The following EVL variants were observed in gnomAD, a reference collection of about 807,000 sequenced individuals.
EVL encodes the protein ena/VASP-like protein.
A neutral mutation model predicts 59.6 loss-of-function variants in EVL; 21 were observed. The ratio of observed to expected loss-of-function variants is 0.35; its 90% confidence interval spans 0.25 to 0.51. EVL has a LOEUF of 0.51. Ranked by LOEUF, EVL falls within the 20% of genes least tolerant of loss-of-function variation. The pLI is 0.97. For synonymous variants in EVL, 198 were observed against 203.5 expected (o/e 0.97, Z 0.23); for missense variants, 462 against 546.6 (o/e 0.85, Z 1.54).
At chr14:100,078,884 A>G (rs2140292917) in intron 1 of EVL, among the ~76,000 whole-genome samples, 1 of 152,338 alleles carries the variant, frequency 6.6e-6, no homozygotes, top group South Asian at 2.1e-4. Flanking sequence ...AAGACAGAGT[A>G]TGAAGAGTTG....
intron 1 of EVL, among the ~76,000 whole-genome samples, chr14:100,028,144 T>TG (rs2061250165): frequency 6.6e-6 from 1 of 150,726 alleles, no homozygotes; most frequent in Non-Finnish European, 1.5e-5. Context: ...GTTTTTTTTT[T>TG]TTTTTTTGAG....
intron 1 of EVL, among the ~76,000 whole-genome samples, chr14:100,024,004 CAG>C (rs946965790): frequency 7.2e-5 from 11 of 152,328 alleles, no homozygotes; most frequent in East Asian, 3.9e-4. Flanking sequence ...GAGCCCAAAT[CAG>C]AGACTTCTGT....
intron 1 of EVL, among the ~76,000 whole-genome samples, chr14:100,028,329 T>C (rs1478301906): frequency 6.6e-6 from 1 of 152,098 alleles, no homozygotes; most frequent in Non-Finnish European, 1.5e-5. Flanking sequence ...CCCAGATGAT[T>C]AGTGATGTTG....
rs949537012 is a variant in EVL at position 100,141,885 on chromosome 14, C to T, written c.1219+92C>T. 28 of 1,180,060 alleles carry T rather than the reference C, an allele frequency of 2.4e-5. No homozygotes were observed. The African/African-American group carries it at 2.9e-4, about 12-fold the overall frequency. The allele number at this position is 1,180,060 out of a possible 1,614,324, so 73.1% of individuals were successfully genotyped here. A position where few individuals can be genotyped will look rare whatever the true frequency, so the allele number is the denominator to read the frequency against. The stretch of plus-strand genomic sequence containing the variant: ...CAGGCTGGGGGCCTCCAGTTTTGAG[C>T]TGGAGCCCATACTGCACTGGGCCCT... On this transcript the variant is annotated intron_variant, in intron 13 of 13. Transcript: ENST00000392920.
At chr14:100,010,395 G>A (rs183376327) in intron 1 of EVL, among the ~76,000 whole-genome samples, 4 of 152,258 alleles carry the variant, frequency 2.6e-5, no homozygotes, top group Non-Finnish European at 4.4e-5. Flanking sequence ...GCTAGTTAGT[G>A]TGGGTTGGTT....
chr14:100,111,298 AG>A (rs1374076171), intron 3 of EVL, among the ~76,000 whole-genome samples: 2 of 152,050 alleles, frequency 1.3e-5, no homozygotes, highest in Non-Finnish European at 2.9e-5. Context: ...CTGGGACTAC[AG>A]GCATGCGCCA....
At chr14:100,133,995 A>G (rs1341227243) in intron 8 of EVL, among the ~76,000 whole-genome samples, 4 of 152,150 alleles carry the variant, frequency 2.6e-5, no homozygotes, top group Admixed American at 1.3e-4. Flanking sequence ...AGGCCTCACA[A>G]AGCTCCTCAC....
At chr14:100,085,006 T>C in intron 2 of EVL, 151 bp downstream of exon 2, 2 of 758,354 alleles carry the variant, frequency 2.6e-6, no homozygotes, top group Non-Finnish European at 4.1e-6. Flanking sequence ...CTCCATATCC[T>C]CATAGTTCAA....
chr14:100,031,991 G>C (rs2061321713), intron 1 of EVL, among the ~76,000 whole-genome samples: 1 of 152,232 alleles, frequency 6.6e-6, no homozygotes, highest in Non-Finnish European at 1.5e-5. Flanking sequence ...TTTTTCGGAA[G>C]TTACCACTCT....
intron 4 of EVL, among the ~76,000 whole-genome samples, chr14:100,125,236 C>A (rs1887990682): frequency 7.2e-6 from 1 of 138,092 alleles, no homozygotes; most frequent in Non-Finnish European, 1.5e-5. Context: ...ACACACACAC[C>A]TGCCCCAAGG....
intron 1 of EVL, among the ~76,000 whole-genome samples, chr14:99,990,549 A>G (rs939785363): frequency 1.3e-5 from 2 of 152,132 alleles, no homozygotes; most frequent in African/African-American, 2.4e-5. Flanking sequence ...TTCCGTTTCT[A>G]TGATTTTGAC....
intron 1 of EVL, among the ~76,000 whole-genome samples, chr14:100,001,579 T>C (rs2060946420): frequency 1.3e-5 from 2 of 152,240 alleles, no homozygotes; most frequent in Admixed American, 1.3e-4. Flanking sequence ...GGTGGAACTT[T>C]GTTCCATTGA....
intron 1 of EVL, chr14:99,974,221 T>A (rs1453685791): frequency 2.0e-5 from 3 of 152,244 alleles, no homozygotes; most frequent in Non-Finnish European, 4.4e-5. Flanking sequence ...TTTCCATTTG[T>A]GAAGTGTCTT....
At chr14:100,136,074 G>C (rs560384400) in intron 9 of EVL, 106 bp downstream of exon 9, 2 of 1,300,088 alleles carry the variant, frequency 1.5e-6, no homozygotes, top group African/African-American at 2.9e-5. Context: ...GTATGCCTGA[G>C]CAGAGGGCCA....
intron 3 of EVL, among the ~76,000 whole-genome samples, chr14:100,099,780 G>A (rs140089134): frequency 0.033 from 4,845 of 147,472 alleles, 270 homozygotes; most frequent in African/African-American, 0.11. Flanking sequence ...TCACTATGTT[G>A]GCCAGGATAG....
At chr14:100,009,576 G>C (rs1036450320) in intron 1 of EVL, among the ~76,000 whole-genome samples, 2 of 152,108 alleles carry the variant, frequency 1.3e-5, no homozygotes, top group African/African-American at 4.8e-5. Flanking sequence ...TAACCTCTGT[G>C]GAAAATACAA....
intron 7 of EVL, 76 bp from the exon 8 acceptor site, chr14:100,132,643 G>A: frequency 6.6e-7 from 1 of 1,512,302 alleles, no homozygotes; most frequent in Non-Finnish European, 9.2e-7. Context: ...AGTCTGGCAG[G>A]GTGGAGGCAG....
chr14:100,032,770 ACT>A (rs959733544), intron 1 of EVL, among the ~76,000 whole-genome samples: 1 of 151,812 alleles, frequency 6.6e-6, no homozygotes, highest in African/African-American at 2.4e-5. Flanking sequence ...TTTTTTCTGA[ACT>A]CTCCTATAAC....
chr14:100,093,055 G>A (rs893557010), intron 2 of EVL, among the ~76,000 whole-genome samples: 2 of 152,186 alleles, frequency 1.3e-5, no homozygotes, highest in African/African-American at 2.4e-5. Context: ...ACAAAGAGGT[G>A]GAACCATTAG....
Sources: gnomAD v4.1 joint callset for allele counts (sites outside exome capture counted in the v4.1 genomes callset) on GRCh38, gnomAD v4.1.1 for gene constraint, MANE v1.5 for transcripts, NCBI Gene and HGNC (gene_info 2026-07-23, HGNC 2026-07-21) for gene names.